PCCB: variants seen among roughly 807,000 people sequenced by gnomAD.
PCCB encodes the protein propionyl-CoA carboxylase subunit beta.
In PCCB, 43 loss-of-function variants were observed where a neutral mutation model predicts 60.7. That is an observed-to-expected ratio of 0.71 (90% CI 0.55 to 0.91). The LOEUF (loss-of-function observed/expected upper bound fraction) is 0.91. Among genes scored for constraint, PCCB ranks in the 40% least tolerant of loss-of-function variants. The pLI is 0.00. For missense variants in PCCB, 766 were observed against 702.8 expected (o/e 1.09, Z -1.02); for synonymous variants, 276 against 255.9 (o/e 1.08, Z -0.75).
chr3:136,270,584 C>G (rs1942170279), intron 5 of PCCB, among the ~76,000 whole-genome samples: 1 of 152,154 alleles, frequency 6.6e-6, no homozygotes, highest in Non-Finnish European at 1.5e-5. Context: ...CGGCTCACTG[C>G]AGTCTCCACC....
intron 5 of PCCB, among the ~76,000 whole-genome samples, chr3:136,273,590 C>CTTTTTTTTTTTTTTTTTTTT (rs1942257481): frequency 1.5e-5 from 1 of 65,638 alleles, no homozygotes. Context: ...TTTTTTTTTT[C>CTTTTTTTTTTTTTTTTTTTT]TTTTTTCTTT....
At chr3:136,304,171 CAG>C (rs886773945) in intron 9 of PCCB, among the ~76,000 whole-genome samples, 1 of 107,608 alleles carries the variant, frequency 9.3e-6, no homozygotes, top group African/African-American at 2.7e-5. Flanking sequence ...TTTTTTCCCT[CAG>C]AGACAGGGTC....
intron 5 of PCCB, 21 bp downstream of exon 5, chr3:136,262,086 G>C: frequency 6.9e-7 from 1 of 1,451,228 alleles, no homozygotes; most frequent in Non-Finnish European, 9.5e-7. Flanking sequence ...TGTTAATAGA[G>C]AATAAAAAAA....
chr3:136,322,771 G>A (rs892084229), intron 10 of PCCB, among the ~76,000 whole-genome samples: 6 of 152,114 alleles, frequency 3.9e-5, no homozygotes, highest in African/African-American at 1.4e-4. Context: ...ATTTTTCTGT[G>A]GAGTAGGCTG....
At position 136,304,665 on chromosome 3, in the gene PCCB, G is replaced by A. The variant is rs1311509710; in HGVS notation, c.966+3554G>A. 3.6e-5 allele frequency among the ~76,000 whole-genome samples: 4 copies of A among 111,074 alleles called. 1 individual carries two copies. The highest frequency in any genetic ancestry group is 7.9e-5 in the Non-Finnish European group (4 of 50,476). The allele number at this position is 111,074 out of a possible 152,430, so 72.9% of individuals were successfully genotyped here. A position where few individuals can be genotyped will look rare whatever the true frequency, so the allele number is the denominator to read the frequency against. On this transcript the variant is annotated intron_variant, in intron 9 of 14. Transcript: ENST00000251654. Reference sequence around the variant, plus strand: ...CTCCCAAAGTGTTGGGATTACAGATGTGAGCCACTGTGCCCGGCTGGCTTT... The same window carrying A: ...CTCCCAAAGTGTTGGGATTACAGATATGAGCCACTGTGCCCGGCTGGCTTT...
intron 10 of PCCB, among the ~76,000 whole-genome samples, chr3:136,325,178 C>G (rs951367086): frequency 2.6e-5 from 4 of 152,090 alleles, no homozygotes; most frequent in Non-Finnish European, 4.4e-5. Flanking sequence ...GTGTGAGCCA[C>G]CACATCTGGC....
intron 2 of PCCB, 78 bp from the exon 3 acceptor site, chr3:136,256,477 T>C: frequency 9.6e-7 from 1 of 1,039,936 alleles, no homozygotes; most frequent in Non-Finnish European, 1.5e-6. Flanking sequence ...TTTTTGTCTT[T>C]CATTGAGGCA....
In PCCB at chr3:136,309,998, A is replaced by G. The variant is rs543867349; in HGVS notation, c.967-6943A>G. 9.2e-5 allele frequency among the ~76,000 whole-genome samples: 14 copies of G among 152,052 alleles called. No individual in the cohort carries two copies. The South Asian group carries it at 2.7e-3, about 29-fold the overall frequency. ...TATAATCCCAACATTTTGGGATGCT[A>G]AAACGGGAGGATTGTTTGAGCCCAG... On this transcript the variant is annotated intron_variant, in intron 9 of 14. Coordinates refer to ENST00000251654, the MANE Select transcript of PCCB (RefSeq NM_000532.5).
intron 9 of PCCB, among the ~76,000 whole-genome samples, chr3:136,315,547 T>A (rs2108224918): frequency 6.6e-6 from 1 of 150,694 alleles, no homozygotes; most frequent in East Asian, 2.0e-4. Flanking sequence ...AAGAAAATTG[T>A]GAATTGGGCA....
intron 8 of PCCB, among the ~76,000 whole-genome samples, chr3:136,300,069 C>G (rs1282916236): frequency 6.9e-6 from 1 of 145,960 alleles, no homozygotes; most frequent in African/African-American, 2.8e-5. Context: ...CATATCAACA[C>G]ATATATGCAT....
At chr3:136,268,588 C>T (rs575226445) in intron 5 of PCCB, among the ~76,000 whole-genome samples, 177 of 151,886 alleles carry the variant, frequency 1.2e-3, no homozygotes, top group African/African-American at 3.9e-3. Flanking sequence ...CTCAGCCTCC[C>T]GAGTAGCTGG....
At chr3:136,251,440 T>C in intron 1 of PCCB, 1 of 407,300 alleles carries the variant, frequency 2.5e-6, no homozygotes, top group African/African-American at 2.0e-5. Context: ...CTCACAACCA[T>C]GAGGGAGGCA....
intron 5 of PCCB, among the ~76,000 whole-genome samples, chr3:136,270,859 T>C (rs750530796): frequency 2.0e-5 from 3 of 152,146 alleles, no homozygotes; most frequent in Non-Finnish European, 4.4e-5. Flanking sequence ...TGGTATCTCA[T>C]TGTGGTTTTC....
chr3:136,310,172 T>C (rs374148209), intron 9 of PCCB, among the ~76,000 whole-genome samples: 49 of 152,154 alleles, frequency 3.2e-4, no homozygotes, highest in African/African-American at 9.2e-4. Context: ...GAGACCAGCC[T>C]GACTAACATG....
At position 136,319,983 on chromosome 3, in the gene PCCB, C is replaced by T. The variant is rs573871324; in HGVS notation, c.1090+2919C>T. On this transcript the variant is annotated intron_variant, in intron 10 of 14. Coordinates refer to ENST00000251654, the MANE Select transcript of PCCB (RefSeq NM_000532.5). Reference sequence around the variant, plus strand: ...TTCTTTCCTCATTGAACAGGTGTGGCGTGCTTGTGGGAAATCAACAGGCTG... The same window carrying T: ...TTCTTTCCTCATTGAACAGGTGTGGTGTGCTTGTGGGAAATCAACAGGCTG... Among the ~76,000 whole-genome samples, 9 of 152,250 alleles carry T rather than the reference C, an allele frequency of 5.9e-5. No homozygotes were observed. In the South Asian group the frequency reaches 1.5e-3, roughly 25 times the overall value.
chr3:136,308,161 A>G (rs988447783), intron 9 of PCCB, among the ~76,000 whole-genome samples: 1 of 152,120 alleles, frequency 6.6e-6, no homozygotes, highest in Non-Finnish European at 1.5e-5. Flanking sequence ...GAGAATGGAA[A>G]CAATAACAGC....
intron 4 of PCCB, among the ~76,000 whole-genome samples, chr3:136,261,723 A>G (rs977420963): frequency 6.6e-6 from 1 of 152,164 alleles, no homozygotes; most frequent in Non-Finnish European, 1.5e-5. Flanking sequence ...GCTAATGGGA[A>G]GTGCTTTGGC....
intron 5 of PCCB, among the ~76,000 whole-genome samples, chr3:136,280,160 G>A (rs1942438925): frequency 6.6e-6 from 1 of 152,032 alleles, no homozygotes; most frequent in African/African-American, 2.4e-5. Flanking sequence ...ATGACCTCAT[G>A]TTACTGTCTA....
intron 5 of PCCB, among the ~76,000 whole-genome samples, chr3:136,263,079 C>T (rs541204262): frequency 2.1e-4 from 31 of 149,326 alleles, no homozygotes; most frequent in African/African-American, 6.7e-4. Flanking sequence ...CTCAGCCTCC[C>T]GAGTGGCTGG....
Sources: gnomAD v4.1 joint callset for allele counts (sites outside exome capture counted in the v4.1 genomes callset) on GRCh38, gnomAD v4.1.1 for gene constraint, MANE v1.5 for transcripts, NCBI Gene and HGNC (gene_info 2026-07-23, HGNC 2026-07-21) for gene names.